The following ADAMTS19 variants were observed in gnomAD, a reference collection of about 807,000 sequenced individuals.
The protein encoded by ADAMTS19 is ADAM metallopeptidase with thrombospondin type 1 motif 19.
In ADAMTS19, 93 loss-of-function variants were observed where a neutral mutation model predicts 153.3. The observed-to-expected ratio is 0.61, with a 90% confidence interval of 0.51 to 0.72. ADAMTS19 has a LOEUF of 0.72. Ranked by LOEUF, ADAMTS19 falls within the 30% of genes least tolerant of loss-of-function variation. The pLI is 0.00. For synonymous variants in ADAMTS19, 600 were observed against 556.6 expected, an observed-to-expected ratio of 1.08 and a Z score of -1.10; for missense variants, 1,482 against 1,552.1, an observed-to-expected ratio of 0.95 and a Z score of 0.76.
chr5:129,565,257 T>C (rs925310445), intron 7 of ADAMTS19, among the ~76,000 whole-genome samples: 1 of 152,234 alleles, frequency 6.6e-6, no homozygotes, highest in Non-Finnish European at 1.5e-5. Context: ...ACCATTTCTC[T>C]TAACTTTGTT....
intron 10 of ADAMTS19, among the ~76,000 whole-genome samples, chr5:129,625,519 G>T (rs1484614092): frequency 6.6e-6 from 1 of 152,130 alleles, no homozygotes; most frequent in Non-Finnish European, 1.5e-5. Flanking sequence ...ACTTTTTAAT[G>T]ATTGCCATTC....
intron 11 of ADAMTS19, among the ~76,000 whole-genome samples, chr5:129,646,875 A>G (rs1427926875): frequency 6.6e-6 from 1 of 152,040 alleles, no homozygotes; most frequent in Non-Finnish European, 1.5e-5. Flanking sequence ...TGATTTTGTT[A>G]CTCTTACCAT....
intron 13 of ADAMTS19, among the ~76,000 whole-genome samples, chr5:129,651,316 C>A (rs953571713): frequency 3.3e-5 from 5 of 152,148 alleles, no homozygotes; most frequent in Non-Finnish European, 5.9e-5. Context: ...ATGATCATAA[C>A]CCTTCCTATT....
intron 4 of ADAMTS19, among the ~76,000 whole-genome samples, chr5:129,526,942 CATAGGTTA>C (rs1420708765): frequency 1.3e-5 from 2 of 151,560 alleles, no homozygotes; most frequent in African/African-American, 4.8e-5. Flanking sequence ...ACAAAAGGAC[CATAGGTTA>C]ATTATGATGC....
chr5:129,577,408 A>G (rs1475502178), intron 7 of ADAMTS19, among the ~76,000 whole-genome samples: 2 of 152,116 alleles, frequency 1.3e-5, no homozygotes, highest in Non-Finnish European at 2.9e-5. Context: ...ATTAGTTGGT[A>G]TATTAAAAGA....
chr5:129,572,566 T>A (rs899907359), intron 7 of ADAMTS19, among the ~76,000 whole-genome samples: 4 of 152,004 alleles, frequency 2.6e-5, no homozygotes, highest in African/African-American at 9.7e-5. Flanking sequence ...GGTACATCCA[T>A]ACAAGGAAAT....
intron 7 of ADAMTS19, among the ~76,000 whole-genome samples, chr5:129,575,377 G>A (rs980282707): frequency 3.3e-5 from 5 of 152,014 alleles, no homozygotes; most frequent in African/African-American, 9.7e-5. Flanking sequence ...TTGTAAAAAT[G>A]TGTCAGCCAG....
intron 6 of ADAMTS19, among the ~76,000 whole-genome samples, chr5:129,548,945 A>C (rs984275884): frequency 1.4e-5 from 2 of 146,412 alleles, no homozygotes; most frequent in African/African-American, 5.0e-5. Flanking sequence ...CAAACAGCAC[A>C]TGTTCTCACT....
At chr5:129,518,940 A>G (rs1454273680) in intron 3 of ADAMTS19, among the ~76,000 whole-genome samples, 1 of 151,882 alleles carries the variant, frequency 6.6e-6, no homozygotes, top group Non-Finnish European at 1.5e-5. Context: ...CAAGATCACT[A>G]ATTCTTTCTT....
intron 7 of ADAMTS19, among the ~76,000 whole-genome samples, chr5:129,561,035 T>C (rs1753494011): frequency 6.6e-6 from 1 of 152,164 alleles, no homozygotes. Flanking sequence ...GAAATTAAAA[T>C]AGATAAATTC....
In ADAMTS19 at chr5:129,543,299, G is replaced by A. The variant is rs192776181; in HGVS notation, c.1329-8565G>A. On this transcript the variant is annotated intron_variant, in intron 6 of 22. Coordinates refer to ENST00000274487, the MANE Select transcript of ADAMTS19 (RefSeq NM_133638.6). ...ACTCCCGACCTCAGGTGATTCACAC[G>A]CCTCGGCCTCCCAAAGTGCTGGAAT... Among the ~76,000 whole-genome samples the A allele has an allele frequency of 5.9e-4, 89 of 152,056 alleles. 1 individual carries two copies. The highest frequency in any genetic ancestry group is 2.0e-3 in the African/African-American group (83 of 41,496).
chr5:129,544,916 C>A (rs1243040810), intron 6 of ADAMTS19, among the ~76,000 whole-genome samples: 2 of 152,154 alleles, frequency 1.3e-5, no homozygotes, highest in Non-Finnish European at 2.9e-5. Flanking sequence ...TACCATGAAT[C>A]TGATTTCAAA....
rs1360467704 is a variant in ADAMTS19 at position 129,608,086 on chromosome 5, A to ATGTGTG, written c.1478+11423_1478+11424insGTGTGT. 9.4e-4 allele frequency among the ~76,000 whole-genome samples: 54 copies of ATGTGTG among 57,216 alleles called. 4 individuals carry two copies. Among genetic ancestry groups the ATGTGTG allele is most frequent in the Middle Eastern group, 8.8e-3 (1 of 114 alleles). 37.5% of individuals were successfully genotyped at this position (57,216 alleles called of 152,430 possible). ...ATTCATTATATAATTGGAATTTTATATATATGTGTGTGTGTGTGTGTGTGT... is the reference window on the plus strand; with the variant it reads ...ATTCATTATATAATTGGAATTTTATATGTGTGTATATGTGTGTGTGTGTGTGTGTGT... On this transcript the variant is annotated intron_variant, in intron 8 of 22. Coordinates refer to ENST00000274487, the MANE Select transcript of ADAMTS19 (RefSeq NM_133638.6).
At chr5:129,491,758 A>C (rs1750777857) in intron 2 of ADAMTS19, among the ~76,000 whole-genome samples, 1 of 152,202 alleles carries the variant, frequency 6.6e-6, no homozygotes, top group South Asian at 2.1e-4. Context: ...GTCATAATCA[A>C]ATCTCACTCT....
At chr5:129,638,566 CACACACACAT>C (rs774488191) in intron 10 of ADAMTS19, among the ~76,000 whole-genome samples, 2,125 of 77,432 alleles carry the variant, frequency 0.027, 42 homozygotes, top group African/African-American at 0.11. Flanking sequence ...CTGTCTCACA[CACACACACAT>C]ACACACACAC....
intron 3 of ADAMTS19, among the ~76,000 whole-genome samples, chr5:129,517,524 T>C (rs1297847485): frequency 6.6e-6 from 1 of 152,024 alleles, no homozygotes; most frequent in Non-Finnish European, 1.5e-5. Context: ...ATGGACTCCT[T>C]TATCATTATA....
At chr5:129,469,120 C>G (rs1749977067) in intron 2 of ADAMTS19, among the ~76,000 whole-genome samples, 1 of 151,550 alleles carries the variant, frequency 6.6e-6, no homozygotes, top group Non-Finnish European at 1.5e-5. Flanking sequence ...TTTCTAATTC[C>G]AAAGTTCTTT....
intron 2 of ADAMTS19, among the ~76,000 whole-genome samples, chr5:129,476,016 C>T (rs752808603): frequency 6.5e-4 from 99 of 151,854 alleles, no homozygotes; most frequent in Admixed American, 1.8e-3. Flanking sequence ...AATGCAAAAC[C>T]GATTATTTTT....
chr5:129,715,743 T>A (rs1756695380), intron 21 of ADAMTS19, among the ~76,000 whole-genome samples: 1 of 152,192 alleles, frequency 6.6e-6, no homozygotes, highest in Non-Finnish European at 1.5e-5. Flanking sequence ...GGGAAGATTG[T>A]GAATTCTATT....
Sources: gnomAD v4.1 joint callset for allele counts (sites outside exome capture counted in the v4.1 genomes callset) on GRCh38, gnomAD v4.1.1 for gene constraint, MANE v1.5 for transcripts, NCBI Gene and HGNC (gene_info 2026-07-23, HGNC 2026-07-21) for gene names.